ZNF608: variants seen among roughly 807,000 people sequenced by gnomAD.
ZNF608 encodes the protein zinc finger protein 608.
In ZNF608, 12 loss-of-function variants were observed where a neutral mutation model predicts 109.0. The observed-to-expected ratio is 0.11, with a 90% CI of 0.07 to 0.18. The LOEUF (loss-of-function observed/expected upper bound fraction) is 0.18, where lower values mean the gene tolerates loss of function less well. Among genes scored for constraint, ZNF608 ranks in the 10% least tolerant of loss-of-function variants. The pLI is 1.00. For missense variants in ZNF608, 1,707 were observed against 1,879.3 expected, an observed-to-expected ratio of 0.91 and a Z score of 1.70; for synonymous variants, 732 against 717.4, an observed-to-expected ratio of 1.02 and a Z score of -0.33.
chr5:124,671,954 T>G (rs1163259594), intron 3 of ZNF608, among the ~76,000 whole-genome samples: 1 of 152,134 alleles, frequency 6.6e-6, no homozygotes, highest in Non-Finnish European at 1.5e-5. Context: ...GGCTTCTTTA[T>G]CATCAAGTAC....
At chr5:124,682,598 A>G (rs1752242469) in intron 3 of ZNF608, among the ~76,000 whole-genome samples, 1 of 152,232 alleles carries the variant, frequency 6.6e-6, no homozygotes, top group Non-Finnish European at 1.5e-5. Flanking sequence ...CTATCCCAAA[A>G]GATAAAACAT....
intron 3 of ZNF608, among the ~76,000 whole-genome samples, chr5:124,661,228 T>C (rs1751244145): frequency 6.6e-6 from 1 of 152,206 alleles, no homozygotes; most frequent in Non-Finnish European, 1.5e-5. Flanking sequence ...CCTCATTTCA[T>C]GTTTTCAGGA....
At chr5:124,686,346 T>C (rs184732636) in intron 3 of ZNF608, among the ~76,000 whole-genome samples, 113 of 152,322 alleles carry the variant, frequency 7.4e-4, no homozygotes, top group African/African-American at 2.6e-3. Flanking sequence ...TGCTTTGCCA[T>C]GAAGATTGTC....
intron 3 of ZNF608, among the ~76,000 whole-genome samples, chr5:124,693,437 C>T (rs1202669455): frequency 6.6e-6 from 1 of 152,136 alleles, no homozygotes; most frequent in Non-Finnish European, 1.5e-5. Context: ...TTTACTATAA[C>T]TAAGTCCTAA....
At chr5:124,672,581 C>T (rs1027833725) in intron 3 of ZNF608, among the ~76,000 whole-genome samples, 38 of 152,296 alleles carry the variant, frequency 2.5e-4, no homozygotes, top group African/African-American at 8.9e-4. Flanking sequence ...TCTCAAGTAA[C>T]ACTGGAACAG....
intron 3 of ZNF608, among the ~76,000 whole-genome samples, chr5:124,661,219 C>G (rs2149803389): frequency 6.6e-6 from 1 of 152,264 alleles, no homozygotes; most frequent in African/African-American, 2.4e-5. Context: ...GTAAGAAAAC[C>G]TCATTTCATG....
chr5:124,732,689 G>A (rs948435512), intron 2 of ZNF608, among the ~76,000 whole-genome samples: 5 of 152,112 alleles, frequency 3.3e-5, no homozygotes. Context: ...AAATCATGGG[G>A]AATTTCTATA....
intron 2 of ZNF608, among the ~76,000 whole-genome samples, chr5:124,737,616 A>G (rs1477325764): frequency 3.3e-5 from 5 of 152,234 alleles, no homozygotes; most frequent in Admixed American, 1.3e-4. Context: ...CTAGCAAAAT[A>G]TAAGTATTTG....
chr5:124,679,177 G>C (rs1443796758), intron 3 of ZNF608, among the ~76,000 whole-genome samples: 1 of 152,184 alleles, frequency 6.6e-6, no homozygotes, highest in African/African-American at 2.4e-5. Context: ...GTTTCCTTCA[G>C]TTTACTGCCT....
At chr5:124,644,212 C>G in intron 6 of ZNF608, 32 bp downstream of exon 6, 1 of 1,530,606 alleles carries the variant, frequency 6.5e-7, no homozygotes, top group South Asian at 1.3e-5. Flanking sequence ...TCGCCTCTTT[C>G]CTCCAATATA....
chr5:124,703,883 T>C (rs545815461), intron 2 of ZNF608, among the ~76,000 whole-genome samples: 3 of 152,274 alleles, frequency 2.0e-5, no homozygotes, highest in East Asian at 1.9e-4. Flanking sequence ...ACTCCATCTA[T>C]AGATATATTT....
intron 3 of ZNF608, among the ~76,000 whole-genome samples, chr5:124,697,495 A>G (rs572224358): frequency 3.0e-4 from 45 of 152,320 alleles, no homozygotes; most frequent in South Asian, 8.3e-4. Flanking sequence ...ACCATACATC[A>G]TTGGTCCTAT....
chr5:124,719,672 G>A (rs753581840), intron 2 of ZNF608, among the ~76,000 whole-genome samples: 1 of 152,128 alleles, frequency 6.6e-6, no homozygotes, highest in Admixed American at 6.5e-5. Flanking sequence ...CTTTATGTGG[G>A]GATCAAAGAT....
intron 2 of ZNF608, among the ~76,000 whole-genome samples, chr5:124,722,278 G>A (rs961548934): frequency 6.6e-6 from 1 of 152,058 alleles, no homozygotes; most frequent in Non-Finnish European, 1.5e-5. Context: ...GTTTCCCCCT[G>A]CCTCCATGGC....
Position 124,648,289 on chromosome 5 carries a change from T to C in ZNF608, c.2095A>G (p.Lys699Glu), listed in dbSNP as rs1750626806. ...ADGSLAAEMPKLEAEGLIDKK... is the reference protein window; with the variant it reads ...ADGSLAAEMPELEAEGLIDKK... ...TCAATTAATCCTTCTGCTTCCAGTT[T>C]AGGCATCTCAGCAGCCAAACTGCCG... is the stretch of plus-strand genomic sequence containing the variant. Residue 699 changes from lysine (K) to glutamate (E), a missense_variant, in exon 5 of 10, where the codon AAA (lysine) becomes GAA (glutamate). Physicochemically the swap from Lys to Glu is moderately conservative, Grantham distance 56 (BLOSUM62 1). Coordinates refer to ENST00000513986, the MANE Select transcript of ZNF608 (RefSeq NM_020747.3). 3 of 1,614,088 alleles carry C rather than the reference T, an allele frequency of 1.9e-6. No individual in the cohort carries two copies. The African/African-American group carries it at 4.0e-5, about 22-fold the overall frequency.
chr5:124,690,941 AC>A, intron 3 of ZNF608, among the ~76,000 whole-genome samples: 1 of 108,896 alleles, frequency 9.2e-6, no homozygotes, highest in African/African-American at 3.1e-5. Context: ...ACACACACAC[AC>A]ACACACACAC....
chr5:124,747,623 C>T (rs1355061168), upstream of ZNF608, among the ~76,000 whole-genome samples: 1 of 151,444 alleles, frequency 6.6e-6, no homozygotes, highest in East Asian at 1.9e-4. Context: ...CACACACTCC[C>T]CCAACCTCCT....
intron 2 of ZNF608, among the ~76,000 whole-genome samples, chr5:124,740,670 G>A (rs1191263698): frequency 6.6e-6 from 1 of 152,272 alleles, no homozygotes; most frequent in Non-Finnish European, 1.5e-5. Flanking sequence ...TTATGGACAG[G>A]TCCATTTGTA....
chr5:124,737,178 A>G (rs1749192011), intron 2 of ZNF608, among the ~76,000 whole-genome samples: 1 of 152,238 alleles, frequency 6.6e-6, no homozygotes, highest in African/African-American at 2.4e-5. Context: ...GCTTTCTGAA[A>G]TCATTATGTA....
Sources: allele counts gnomAD v4.1 joint callset (sites outside exome capture counted in the v4.1 genomes callset), GRCh38; gene constraint gnomAD v4.1.1; transcripts MANE v1.5; gene names NCBI Gene and HGNC (gene_info 2026-07-23, HGNC 2026-07-21).